PDE10A: variants seen among roughly 807,000 people sequenced by gnomAD.
PDE10A encodes cAMP and cAMP-inhibited cGMP 3',5'-cyclic phosphodiesterase 10A.
A neutral mutation model predicts 97.7 loss-of-function variants in PDE10A; 39 were observed. The observed-to-expected ratio is 0.40, with a 90% CI of 0.31 to 0.52. The LOEUF (loss-of-function observed/expected upper bound fraction) is 0.52. Among genes scored for constraint, PDE10A ranks in the 20% least tolerant of loss-of-function variants. The pLI, the probability that PDE10A is intolerant of heterozygous loss-of-function variation, is 0.56. For synonymous variants in PDE10A, 371 were observed against 376.8 expected (o/e 0.98, Z 0.18); for missense variants, 731 against 1,047.8 (o/e 0.70, Z 4.17).
chr6:165,349,994 A>AC (rs1482595420), intron 18 of PDE10A, among the ~76,000 whole-genome samples: 1 of 152,198 alleles, frequency 6.6e-6, no homozygotes. Flanking sequence ...CTCATGGAGA[A>AC]CCCTGCTAGG....
chr6:165,764,855 CT>C (rs1054454023), intron 1 of PDE10A, among the ~76,000 whole-genome samples: 5 of 152,184 alleles, frequency 3.3e-5, no homozygotes, highest in Non-Finnish European at 7.3e-5. Context: ...CTCGGGCAGC[CT>C]GCTTTTATTC....
Position 165,329,034 on chromosome 6 carries a change from G to T in PDE10A, c.*3991C>A, listed in dbSNP as rs1781198766. On this transcript the variant is annotated 3_prime_UTR_variant, in exon 22 of 22. Transcript: ENST00000539869. ...TAATTTAAAAATCAGATGAATACTT[G>T]CAGTAGAAGAGATCCACTATAGTGA... 1 of 152,170 alleles carries T rather than the reference G, an allele frequency of 6.6e-6. No homozygotes were observed. Among genetic ancestry groups the T allele is most frequent in the Non-Finnish European group, 1.5e-5 (1 of 68,018 alleles). The allele number at this position is 152,170 out of a possible 1,614,324, so 9.4% of individuals were successfully genotyped here.
At chr6:165,680,670 G>A (rs937808435) in intron 1 of PDE10A, among the ~76,000 whole-genome samples, 4 of 152,186 alleles carry the variant, frequency 2.6e-5, no homozygotes, top group African/African-American at 9.7e-5. Flanking sequence ...TTGGGAGGCC[G>A]AGGCGGGCAG....
At chr6:165,760,680 C>T (rs912374577) in intron 1 of PDE10A, among the ~76,000 whole-genome samples, 1 of 152,194 alleles carries the variant, frequency 6.6e-6, no homozygotes, top group African/African-American at 2.4e-5. Context: ...GGCTGAACTC[C>T]TACATTGTAC....
intron 1 of PDE10A, among the ~76,000 whole-genome samples, chr6:165,984,291 G>A (rs960684673): frequency 1.3e-5 from 2 of 152,236 alleles, no homozygotes; most frequent in Non-Finnish European, 2.9e-5. Context: ...CCTGGGGAAT[G>A]TGGGAATTAC....
At chr6:165,479,335 C>A (rs1054618989) in intron 3 of PDE10A, among the ~76,000 whole-genome samples, 29 of 152,104 alleles carry the variant, frequency 1.9e-4, no homozygotes, top group Non-Finnish European at 3.8e-4. Context: ...CCTAAATACC[C>A]CCAATTCCAT....
chr6:165,794,488 C>T (rs1209251561), intron 1 of PDE10A, among the ~76,000 whole-genome samples: 6 of 151,558 alleles, frequency 4.0e-5, no homozygotes, highest in African/African-American at 1.5e-4. Flanking sequence ...ACTCATTACA[C>T]ACACTACACA....
At chr6:165,767,272 A>C (rs1427771904) in intron 1 of PDE10A, among the ~76,000 whole-genome samples, 7 of 152,250 alleles carry the variant, frequency 4.6e-5, no homozygotes, top group Non-Finnish European at 1.0e-4. Context: ...TGTTTTAAAA[A>C]TATTTCATTG....
chr6:165,898,107 A>C (rs1583253086), intron 1 of PDE10A, among the ~76,000 whole-genome samples: 6 of 104,814 alleles, frequency 5.7e-5, no homozygotes, highest in Non-Finnish European at 5.9e-5. Context: ...GTCCCCCTCC[A>C]CCCCCCATGA....
At chr6:165,842,535 C>T (rs781404087) in intron 1 of PDE10A, among the ~76,000 whole-genome samples, 10 of 152,176 alleles carry the variant, frequency 6.6e-5, no homozygotes, top group African/African-American at 9.7e-5. Context: ...TAACAGAGAG[C>T]GAATGCAAGC....
chr6:165,416,308 C>T (rs1230917718), intron 11 of PDE10A, 27 bp from the exon 12 acceptor site: 3 of 1,387,716 alleles, frequency 2.2e-6, no homozygotes, highest in Non-Finnish European at 3.1e-6. Context: ...GAAGGACATG[C>T]TAATTAAAAT....
intron 1 of PDE10A, among the ~76,000 whole-genome samples, chr6:165,715,151 G>A (rs1028612447): frequency 2.6e-5 from 4 of 152,224 alleles, no homozygotes; most frequent in Middle Eastern, 6.3e-3. Flanking sequence ...GGTGCGGCCG[G>A]CGCTGCTTAC....
chr6:165,922,437 C>A (rs1357467996), intron 1 of PDE10A, among the ~76,000 whole-genome samples: 1 of 152,168 alleles, frequency 6.6e-6, no homozygotes, highest in Admixed American at 6.5e-5. Flanking sequence ...GCTGGTGCTA[C>A]TTGGCTGAGG....
At chr6:165,732,437 G>C (rs545086719) in intron 1 of PDE10A, among the ~76,000 whole-genome samples, 1 of 152,216 alleles carries the variant, frequency 6.6e-6, no homozygotes, top group Admixed American at 6.5e-5. Flanking sequence ...CGTGGTCACA[G>C]ATCTTTTCCT....
At chr6:165,869,460 T>C (rs1228135854) in intron 1 of PDE10A, among the ~76,000 whole-genome samples, 1 of 151,954 alleles carries the variant, frequency 6.6e-6, no homozygotes, top group African/African-American at 2.4e-5. Flanking sequence ...CACAAACAAA[T>C]GGGAAGACAT....
At chr6:165,722,975 G>T (rs1226545336) in intron 1 of PDE10A, among the ~76,000 whole-genome samples, 1 of 151,498 alleles carries the variant, frequency 6.6e-6, no homozygotes, top group Non-Finnish European at 1.5e-5. Flanking sequence ...TTTGAACTAC[G>T]TTTTTGTTTG....
chr6:165,764,745 G>A (rs1435993507), intron 1 of PDE10A, among the ~76,000 whole-genome samples: 2 of 152,164 alleles, frequency 1.3e-5, no homozygotes, highest in African/African-American at 4.8e-5. Context: ...AAGGCACTGT[G>A]GACCCAAAGA....
chr6:165,615,571 G>A (rs1207430712), intron 1 of PDE10A, among the ~76,000 whole-genome samples: 2 of 152,164 alleles, frequency 1.3e-5, no homozygotes, highest in Non-Finnish European at 2.9e-5. Flanking sequence ...TAAATCATTA[G>A]ATTTGTGAGT....
intron 1 of PDE10A, among the ~76,000 whole-genome samples, chr6:165,813,019 T>A (rs1199507666): frequency 6.6e-6 from 1 of 152,192 alleles, no homozygotes; most frequent in Non-Finnish European, 1.5e-5. Flanking sequence ...GCCTTGATGA[T>A]CAAGTTAATA....
Sources: gnomAD v4.1 joint callset for allele counts (sites outside exome capture counted in the v4.1 genomes callset) on GRCh38, gnomAD v4.1.1 for gene constraint, MANE v1.5 for transcripts, NCBI Gene and HGNC (gene_info 2026-07-23, HGNC 2026-07-21) for gene names.